PRSS41: variants seen among roughly 807,000 people sequenced by gnomAD.
The protein encoded by PRSS41 is protease, serine 41.
PRSS41 carries 37 observed loss-of-function variants against 28.8 expected under a neutral mutation model. That is an observed-to-expected ratio of 1.29 (90% confidence interval 0.99 to 1.69). The LOEUF (loss-of-function observed/expected upper bound fraction) is 1.69. PRSS41 is among the 40% of genes most tolerant of loss of function. The pLI is 0.00. For synonymous variants in PRSS41, 195 were observed against 163.1 expected (o/e 1.20, Z -1.49); for missense variants, 431 against 400.7 (o/e 1.08, Z -0.65).
chr16:2,801,541 T>C (rs2068986225), intron 4 of PRSS41, among the ~76,000 whole-genome samples: 1 of 151,696 alleles, frequency 6.6e-6, no homozygotes, highest in Non-Finnish European at 1.5e-5. Context: ...TGGTAATGAC[T>C]CTTAACGAGC....
At chr16:2,802,215 G>A (rs1251769074) in intron 4 of PRSS41, among the ~76,000 whole-genome samples, 1 of 150,688 alleles carries the variant, frequency 6.6e-6, no homozygotes, top group Non-Finnish European at 1.5e-5. Flanking sequence ...GGTCGCGGCC[G>A]GGCAGAGGCG....
At position 2,804,560 on chromosome 16, in the gene PRSS41, C is replaced by T; in HGVS notation, c.699+14C>T. 6.5e-7 allele frequency: 1 copy of T among 1,549,712 alleles called. No homozygotes were observed. The highest frequency in any genetic ancestry group is 8.7e-7 in the Non-Finnish European group (1 of 1,146,702). Reference sequence around the variant, plus strand: ...GACACCTGCAAAGTGAGTGCCTCTACCCCACCAGGGAATCCCACCCTCTCC... The same window carrying T: ...GACACCTGCAAAGTGAGTGCCTCTATCCCACCAGGGAATCCCACCCTCTCC... On this transcript the variant is annotated intron_variant, in intron 5 of 5. Coordinates refer to ENST00000399677, the Ensembl canonical transcript of PRSS41.
chr16:2,804,076 C>A (rs1475455607), intron 4 of PRSS41, among the ~76,000 whole-genome samples: 1 of 152,194 alleles, frequency 6.6e-6, no homozygotes, highest in Non-Finnish European at 1.5e-5. Context: ...TCTACTGTAG[C>A]CCTTCTTCCT....
rs777421981 is a variant in PRSS41 at position 2,801,336 on chromosome 16, A to AT, written c.541+1778dup. ...TATGTAATGTTGTTCTTGGACTCTT[A>AT]TTTTTTTTTTTAATTTTTTTTTTAT... On this transcript the variant is annotated intron_variant, in intron 4 of 5. Coordinates refer to ENST00000399677, the Ensembl canonical transcript of PRSS41. 9.2e-3 allele frequency among the ~76,000 whole-genome samples: 1,271 copies of AT among 138,880 alleles called. 15 individuals are homozygous for AT. Among genetic ancestry groups the AT allele is most frequent in the Non-Finnish European group, 0.011 (710 of 63,378 alleles). The allele number at this position is 138,880 out of a possible 152,430, so 91.1% of individuals were successfully genotyped here.
At position 2,798,678 on chromosome 16, in the gene PRSS41, C is replaced by T; in HGVS notation, c.91+16C>T. The T allele has an allele frequency of 6.9e-7, 1 of 1,454,450 alleles. No homozygotes were observed. The highest frequency in any genetic ancestry group is 1.5e-5 in the African/African-American group (1 of 67,084). The allele number at this position is 1,454,450 out of a possible 1,614,324, so 90.1% of individuals were successfully genotyped here. A position where few individuals can be genotyped will look rare whatever the true frequency, so the allele number is the denominator to read the frequency against. On this transcript the variant is annotated intron_variant, in intron 2 of 5. Transcript: ENST00000399677. ...CTGTTGTCAGGTAGGGCGCCCAGGA[C>T]GCGCGATGCCAGCCAGGGCGGCTGG...
At chr16:2,799,716 T>C (rs1159776164) in intron 4 of PRSS41, 147 bp downstream of exon 4, 3 of 843,158 alleles carry the variant, frequency 3.6e-6, no homozygotes, top group South Asian at 1.7e-5. Flanking sequence ...CTCTCCTCAC[T>C]TGCTTTTCTG....
exon 4 of PRSS41, chr16:2,799,429 A>G: frequency 6.4e-7 from 1 of 1,552,104 alleles, no homozygotes; most frequent in Non-Finnish European, 8.7e-7. Context: ...TTACGCAATG[A>G]CATTGCCCTG....
At chr16:2,798,908 GC>G in intron 2 of PRSS41, 50 bp from the exon 3 acceptor site, 4 of 1,415,384 alleles carry the variant, frequency 2.8e-6, no homozygotes, top group Non-Finnish European at 3.8e-6. Context: ...GGGCGGGCCT[GC>G]CCACCCCACC....
intron 4 of PRSS41, 74 bp downstream of exon 4, chr16:2,799,643 A>G (rs2068973910): frequency 6.9e-7 from 1 of 1,448,134 alleles, no homozygotes; most frequent in African/African-American, 1.4e-5. Context: ...TGTTCCCGCT[A>G]CACAAGCACA....
At chr16:2,802,619 T>C (rs1353070025) in intron 4 of PRSS41, among the ~76,000 whole-genome samples, 2 of 152,226 alleles carry the variant, frequency 1.3e-5, no homozygotes, top group Non-Finnish European at 2.9e-5. Flanking sequence ...CCAGACTCCG[T>C]CTGCAATCCC....
intron 4 of PRSS41, among the ~76,000 whole-genome samples, chr16:2,801,138 C>CAAA (rs2068983150): frequency 6.6e-6 from 1 of 152,082 alleles, no homozygotes; most frequent in South Asian, 2.1e-4. Flanking sequence ...GGTGCCCAGC[C>CAAA]GTTTTATCAA....
intron 4 of PRSS41, among the ~76,000 whole-genome samples, chr16:2,801,530 T>G (rs1458574644): frequency 2.0e-4 from 31 of 151,552 alleles, no homozygotes; most frequent in Admixed American, 7.2e-4. Context: ...AGATTAGGGA[T>G]TGGTAATGAC....
chr16:2,799,261 C>T (rs1232822503), intron 3 of PRSS41, 25 bp from the exon 4 acceptor site: 3 of 1,549,584 alleles, frequency 1.9e-6, no homozygotes, highest in Non-Finnish European at 2.6e-6. Flanking sequence ...TCCAAGGCTC[C>T]CCGCCCTCTC....
chr16:2,801,992 G>A (rs1398563703), intron 4 of PRSS41, among the ~76,000 whole-genome samples: 7 of 149,676 alleles, frequency 4.7e-5, no homozygotes, highest in Non-Finnish European at 5.9e-5. Context: ...CCTCCCTCCC[G>A]GACGGGGCGG....
chr16:2,799,531 G>A, exon 4 of PRSS41: 4 of 1,551,848 alleles, frequency 2.6e-6, no homozygotes, highest in Non-Finnish European at 3.5e-6. Context: ...CGGCCGGACT[G>A]CTGGGTGACC....
chr16:2,801,279 A>G (rs1866771801), intron 4 of PRSS41, among the ~76,000 whole-genome samples: 1 of 150,656 alleles, frequency 6.6e-6, no homozygotes, highest in Admixed American at 6.6e-5. Context: ...TATGATTGGT[A>G]TATTTTCTTG....
At chr16:2,799,959 C>T (rs2068975869) in intron 4 of PRSS41, among the ~76,000 whole-genome samples, 2 of 152,232 alleles carry the variant, frequency 1.3e-5, no homozygotes, top group African/African-American at 2.4e-5. Context: ...GGACACAATT[C>T]AGTGATTTGT....
intron 4 of PRSS41, among the ~76,000 whole-genome samples, chr16:2,803,353 C>T (rs2069001755): frequency 6.6e-6 from 1 of 151,838 alleles, no homozygotes. Context: ...AGTGGTTGCT[C>T]TAGGGATTAC....
At chr16:2,799,706 C>A (rs372839762) in intron 4 of PRSS41, 137 bp downstream of exon 4, 2 of 874,710 alleles carry the variant, frequency 2.3e-6, no homozygotes, top group East Asian at 2.7e-5. Context: ...TGCTCTCATT[C>A]TCTCCTCACT....
Sources: allele counts gnomAD v4.1 joint callset (sites outside exome capture counted in the v4.1 genomes callset), GRCh38; gene constraint gnomAD v4.1.1; transcripts MANE v1.5; gene names NCBI Gene and HGNC (gene_info 2026-07-23, HGNC 2026-07-21).